The following NKAIN3 variants were observed in gnomAD, a reference collection of about 807,000 sequenced individuals.
The protein encoded by NKAIN3 is sodium/potassium-transporting ATPase subunit beta-1-interacting protein 3.
NKAIN3 carries 25 observed loss-of-function variants against 30.2 expected under a neutral mutation model. The ratio of observed to expected loss-of-function variants is 0.83; its 90% CI spans 0.60 to 1.16. The LOEUF (loss-of-function observed/expected upper bound fraction) is 1.16. NKAIN3 is among the 50% of genes most tolerant of loss of function. The probability of loss-of-function intolerance (pLI) is 0.00; values close to 1 mark genes in which losing one functional copy is unlikely to be tolerated. For synonymous variants in NKAIN3, 91 were observed against 89.6 expected (o/e 1.02, Z -0.09); for missense variants, 225 against 254.1 (o/e 0.89, Z 0.78).
At chr8:62,491,959 G>A (rs551666476) in intron 1 of NKAIN3, among the ~76,000 whole-genome samples, 3 of 152,066 alleles carry the variant, frequency 2.0e-5, no homozygotes, top group African/African-American at 7.2e-5. Flanking sequence ...TTGTTCCTGA[G>A]AGGATAAGTC....
intron 1 of NKAIN3, among the ~76,000 whole-genome samples, chr8:62,422,695 G>C (rs1167876166): frequency 6.6e-6 from 1 of 152,002 alleles, no homozygotes; most frequent in Non-Finnish European, 1.5e-5. Context: ...ACTCTTAGTT[G>C]ACTGGAGTTA....
At chr8:62,924,205 T>G (rs1397312802) in intron 5 of NKAIN3, among the ~76,000 whole-genome samples, 2 of 152,278 alleles carry the variant, frequency 1.3e-5, no homozygotes, top group Middle Eastern at 3.4e-3. Context: ...CTCCCTCTGT[T>G]GACCCACTAA....
intron 4 of NKAIN3, among the ~76,000 whole-genome samples, chr8:62,784,236 A>C (rs552269184): frequency 2.9e-4 from 44 of 152,082 alleles, no homozygotes; most frequent in African/African-American, 1.1e-3. Flanking sequence ...GAAGAAGTGC[A>C]AACTATCCCT....
chr8:62,607,342 C>T (rs1277307441), intron 3 of NKAIN3, among the ~76,000 whole-genome samples: 1 of 152,116 alleles, frequency 6.6e-6, no homozygotes, highest in Non-Finnish European at 1.5e-5. Flanking sequence ...CCTGAATGCA[C>T]ACCCCCTGCT....
intron 5 of NKAIN3, among the ~76,000 whole-genome samples, chr8:62,948,752 T>C (rs1257681848): frequency 6.6e-6 from 1 of 152,338 alleles, no homozygotes; most frequent in East Asian, 1.9e-4. Context: ...ACCAGAGGCA[T>C]TACTAATGTA....
chr8:62,943,022 A>T (rs1051258544), intron 5 of NKAIN3, among the ~76,000 whole-genome samples: 6 of 152,180 alleles, frequency 3.9e-5, no homozygotes, highest in Non-Finnish European at 7.4e-5. Context: ...AACAAAAACT[A>T]TGATAAATAG....
At position 62,592,519 on chromosome 8, in the gene NKAIN3, A is replaced by G. The variant is rs183246428; in HGVS notation, c.273+2725A>G. 3.2e-3 allele frequency among the ~76,000 whole-genome samples: 491 copies of G among 152,146 alleles called. 2 individuals are homozygous for G. Among genetic ancestry groups the G allele is most frequent in the African/African-American group, 0.01 (427 of 41,546 alleles). The stretch of plus-strand genomic sequence containing the variant: ...TAAATAACTAATTAACTAACTAAAT[A>G]AAAATAATGCAAACAGTAAGAAACC... On this transcript the variant is annotated intron_variant, in intron 3 of 6. Coordinates refer to ENST00000623646, the MANE Select transcript of NKAIN3 (RefSeq NM_001304533.3).
At chr8:62,704,839 A>G (rs1814467551) in intron 3 of NKAIN3, among the ~76,000 whole-genome samples, 1 of 152,208 alleles carries the variant, frequency 6.6e-6, no homozygotes, top group African/African-American at 2.4e-5. Context: ...TGTTGGCGCT[A>G]GAGCATAACT....
chr8:62,923,208 G>C, intron 5 of NKAIN3, among the ~76,000 whole-genome samples: 1 of 152,076 alleles, frequency 6.6e-6, no homozygotes. Context: ...TCAGGTGGGA[G>C]TATCACTTGA....
At chr8:62,737,825 AT>A (rs954393959) in intron 3 of NKAIN3, among the ~76,000 whole-genome samples, 6 of 152,098 alleles carry the variant, frequency 3.9e-5, no homozygotes, top group South Asian at 4.2e-4. Context: ...AAACAAGATA[AT>A]TTTTTTTCCT....
chr8:62,456,665 AG>A, intron 1 of NKAIN3, among the ~76,000 whole-genome samples: 1 of 152,270 alleles, frequency 6.6e-6, no homozygotes, highest in South Asian at 2.1e-4. Context: ...TTTCACCTGG[AG>A]CAGCAAGATG....
At chr8:62,809,037 G>C (rs966680270) in intron 4 of NKAIN3, among the ~76,000 whole-genome samples, 2 of 152,100 alleles carry the variant, frequency 1.3e-5, no homozygotes, top group African/African-American at 4.8e-5. Flanking sequence ...TCTCAGGGCT[G>C]TTCCTTGGTG....
At chr8:62,461,510 TA>T (rs1316750108) in intron 1 of NKAIN3, among the ~76,000 whole-genome samples, 1 of 152,214 alleles carries the variant, frequency 6.6e-6, no homozygotes, top group Non-Finnish European at 1.5e-5. Flanking sequence ...ATGTTGAACT[TA>T]CTAGACAATG....
chr8:62,789,588 G>A (rs1474382557), intron 4 of NKAIN3, among the ~76,000 whole-genome samples: 5 of 151,974 alleles, frequency 3.3e-5, no homozygotes, highest in Non-Finnish European at 5.9e-5. Context: ...GGAGTGGTGA[G>A]AGAAGAATCA....
In NKAIN3 at chr8:62,983,409, A is replaced by AT. The variant is rs1824128012; in HGVS notation, c.*18003dup. On this transcript the variant is annotated 3_prime_UTR_variant, in exon 7 of 7. Coordinates refer to ENST00000623646, the MANE Select transcript of NKAIN3 (RefSeq NM_001304533.3). ...GTTTCAGAGCCCCAGCGATCCCAGG[A>AT]TGAAGGAGAGCCCATTTGCAACCCT... 6.6e-6 allele frequency: 1 copy of AT among 152,162 alleles called. No individual in the cohort carries two copies. The highest frequency in any genetic ancestry group is 2.4e-5 in the African/African-American group (1 of 41,420). 9.4% of individuals were successfully genotyped at this position (152,162 alleles called of 1,614,324 possible).
intron 1 of NKAIN3, among the ~76,000 whole-genome samples, chr8:62,397,724 C>T (rs1261887089): frequency 2.0e-5 from 3 of 152,148 alleles, no homozygotes; most frequent in Admixed American, 2.0e-4. Context: ...TTTACATTCA[C>T]ATCATTGCCC....
intron 1 of NKAIN3, among the ~76,000 whole-genome samples, chr8:62,448,243 T>C (rs897189390): frequency 5.3e-5 from 8 of 151,750 alleles, no homozygotes; most frequent in Non-Finnish European, 1.0e-4. Flanking sequence ...CAGAGGAACA[T>C]ATCAGAATTC....
chr8:62,891,646 A>T (rs17273723), intron 4 of NKAIN3, among the ~76,000 whole-genome samples: 2,767 of 152,296 alleles, frequency 0.018, 29 homozygotes, highest in Non-Finnish European at 0.029. Flanking sequence ...AACTATTAAA[A>T]TGCTACATCT....
chr8:62,295,640 A>G (rs566812803), intron 1 of NKAIN3, among the ~76,000 whole-genome samples: 66 of 152,322 alleles, frequency 4.3e-4, no homozygotes, highest in Admixed American at 1.1e-3. Context: ...ATTCTTGCAT[A>G]TAAAATAAGA....
Sources: gnomAD v4.1 joint callset for allele counts (sites outside exome capture counted in the v4.1 genomes callset) on GRCh38, gnomAD v4.1.1 for gene constraint, MANE v1.5 for transcripts, NCBI Gene and HGNC (gene_info 2026-07-23, HGNC 2026-07-21) for gene names.